The following SLC44A1 variants were observed in gnomAD, a reference collection of about 807,000 sequenced individuals.
SLC44A1 encodes solute carrier family 44 member 1.
In SLC44A1, 26 loss-of-function variants were observed where a neutral mutation model predicts 79.3. The ratio of observed to expected loss-of-function variants is 0.33; its 90% CI spans 0.24 to 0.46. The LOEUF is 0.46. Ranked by LOEUF, SLC44A1 falls within the 20% of genes least tolerant of loss-of-function variation. The probability of loss-of-function intolerance (pLI) is 1.00; values close to 1 mark genes in which losing one functional copy is unlikely to be tolerated. For synonymous variants in SLC44A1, 263 were observed against 286.2 expected (o/e 0.92, Z 0.82); for missense variants, 688 against 798.1 (o/e 0.86, Z 1.66).
chr9:105,388,328 A>G (rs1828682477), intron 15 of SLC44A1, among the ~76,000 whole-genome samples: 1 of 152,186 alleles, frequency 6.6e-6, no homozygotes, highest in South Asian at 2.1e-4. Context: ...TTGGGGATTG[A>G]TAGAATTTAG....
rs118086541 is a variant in SLC44A1 at position 105,379,282 on chromosome 9, A to C, written c.1633-3841A>C. Among the ~76,000 whole-genome samples the C allele has an allele frequency of 1.7e-3, 264 of 152,330 alleles. 1 individual carries two copies. The highest frequency in any genetic ancestry group is 3.4e-3 in the Middle Eastern group (1 of 294). On this transcript the variant is annotated intron_variant, in intron 13 of 15. Coordinates refer to ENST00000374720, the MANE Select transcript of SLC44A1 (RefSeq NM_080546.5). ...AGAGCAAGACTCTCAAAAAGAAAAA[A>C]AGTAAAATGACAAGAGTATGGAAAT...
Position 105,389,766 on chromosome 9 carries a change from C to T in SLC44A1, c.*710C>T. On this transcript the variant is annotated 3_prime_UTR_variant, in exon 16 of 16. Coordinates refer to ENST00000374720, the MANE Select transcript of SLC44A1 (RefSeq NM_080546.5). ...AAAAGGGTAGATAATCTTTCGTATG[C>T]AAACTTTTCCCTTATATTTTGTCTT... 1 of 1,305,240 alleles carries T rather than the reference C, an allele frequency of 7.7e-7. No individual in the cohort carries two copies. The highest frequency in any genetic ancestry group is 9.8e-7 in the Non-Finnish European group (1 of 1,021,562). 80.9% of individuals were successfully genotyped at this position (1,305,240 alleles called of 1,614,324 possible). A position where few individuals can be genotyped will look rare whatever the true frequency, so the allele number is the denominator to read the frequency against.
At chr9:105,307,801 T>C (rs1261996625) in intron 2 of SLC44A1, among the ~76,000 whole-genome samples, 1 of 152,194 alleles carries the variant, frequency 6.6e-6, no homozygotes, top group Non-Finnish European at 1.5e-5. Flanking sequence ...TATGCAAATA[T>C]GTATGCAGAG....
chr9:105,428,245 T>A (rs575532291), intron 15 of SLC44A1, among the ~76,000 whole-genome samples: 2 of 152,106 alleles, frequency 1.3e-5, no homozygotes, highest in African/African-American at 4.8e-5. Flanking sequence ...TTTTAAAAAA[T>A]TATTTTCTTT....
intron 5 of SLC44A1, among the ~76,000 whole-genome samples, chr9:105,352,027 A>G (rs1380711685): frequency 6.6e-6 from 1 of 152,146 alleles, no homozygotes; most frequent in Non-Finnish European, 1.5e-5. Context: ...TTGGGAGACC[A>G]AAGTGGGAGG....
intron 4 of SLC44A1, among the ~76,000 whole-genome samples, chr9:105,346,249 T>A (rs1276971734): frequency 6.6e-6 from 1 of 152,160 alleles, no homozygotes; most frequent in Non-Finnish European, 1.5e-5. Context: ...TACTGGCCTG[T>A]GTCCTAGAAT....
intron 3 of SLC44A1, among the ~76,000 whole-genome samples, chr9:105,317,594 G>A (rs894306405): frequency 6.6e-6 from 1 of 152,040 alleles, no homozygotes; most frequent in Non-Finnish European, 1.5e-5. Context: ...TAGTGAAGAT[G>A]GAATTCTGAT....
Position 105,389,098 on chromosome 9 carries a change from A to G in SLC44A1, c.*42A>G, listed in dbSNP as rs549171079. The G allele has an allele frequency of 3.8e-5, 61 of 1,611,008 alleles. No individual in the cohort carries two copies. The Admixed American group carries it at 9.2e-4, about 24-fold the overall frequency. On this transcript the variant is annotated 3_prime_UTR_variant, in exon 16 of 16. Transcript: ENST00000374720. Reference sequence around the variant, plus strand: ...TGGAAACCCATTGACATTCCAAAACAATATATACACATAACTATGTATTTG... The same window carrying G: ...TGGAAACCCATTGACATTCCAAAACGATATATACACATAACTATGTATTTG...
intron 1 of SLC44A1, among the ~76,000 whole-genome samples, chr9:105,274,049 C>CA (rs1046463575): frequency 6.6e-6 from 1 of 152,004 alleles, no homozygotes; most frequent in African/African-American, 2.4e-5. Context: ...GTAATACTGA[C>CA]ACTGATGTTA....
chr9:105,401,434 T>G (rs900734117), downstream of SLC44A1, among the ~76,000 whole-genome samples: 17 of 152,112 alleles, frequency 1.1e-4, no homozygotes, highest in Non-Finnish European at 2.4e-4. Flanking sequence ...ATACCTAAAA[T>G]GAATAAGGAA....
Position 105,374,746 on chromosome 9 carries a change from G to C in SLC44A1, c.1632+11G>C. 6.3e-7 allele frequency: 1 copy of C among 1,595,358 alleles called. No homozygotes were observed. Among genetic ancestry groups the C allele is most frequent in the Non-Finnish European group, 8.6e-7 (1 of 1,169,228 alleles). On this transcript the variant is annotated intron_variant, in intron 13 of 15. Coordinates refer to ENST00000374720, the MANE Select transcript of SLC44A1 (RefSeq NM_080546.5). ...TTATTCCTTGGCAAGGTAAAACCAA[G>C]TATTTTTTCTGCAACATACAGTAAA...
chr9:105,394,918 C>T lies in SLC44A1; in HGVS notation c.*5862C>T. On this transcript the variant is annotated 3_prime_UTR_variant, in exon 16 of 16. Coordinates refer to ENST00000374720, the MANE Select transcript of SLC44A1 (RefSeq NM_080546.5). ...CTCCACCCCCAGTCCCTTACCTACT[C>T]TATCTTCTTTAGGGAAGCATGTGGA... 1 of 985,468 alleles carries T rather than the reference C, an allele frequency of 1.0e-6. No individual in the cohort carries two copies. Among genetic ancestry groups the T allele is most frequent in the African/African-American group, 1.7e-5 (1 of 57,364 alleles). The allele number at this position is 985,468 out of a possible 1,614,324, so 61.0% of individuals were successfully genotyped here.
Position 105,396,058 on chromosome 9 carries a change from C to G in SLC44A1, c.*7002C>G, listed in dbSNP as rs1169776088. 10 of 985,210 alleles carry G rather than the reference C, an allele frequency of 1.0e-5. No individual in the cohort carries two copies. In the Admixed American group the frequency reaches 6.2e-4, roughly 61 times the overall value. 61.0% of individuals were successfully genotyped at this position (985,210 alleles called of 1,614,324 possible). A position where few individuals can be genotyped will look rare whatever the true frequency, so the allele number is the denominator to read the frequency against. On this transcript the variant is annotated 3_prime_UTR_variant, in exon 16 of 16. Transcript: ENST00000374720. The stretch of plus-strand genomic sequence containing the variant: ...GTGCTCAGAACTTGGTTTTTGGCCC[C>G]TATTGTTTTTGCCTATTTTGATTTT...
chr9:105,247,147 T>C, intron 1 of SLC44A1, among the ~76,000 whole-genome samples: 1 of 152,068 alleles, frequency 6.6e-6, no homozygotes, highest in Non-Finnish European at 1.5e-5. Flanking sequence ...TTGTGAAATG[T>C]TACTAATCGG....
intron 1 of SLC44A1, among the ~76,000 whole-genome samples, chr9:105,245,106 G>A (rs1829400298): frequency 6.6e-6 from 1 of 152,182 alleles, no homozygotes; most frequent in Middle Eastern, 3.4e-3. Context: ...CCGACTCAAA[G>A]GCGCCTCTGC....
intron 15 of SLC44A1, among the ~76,000 whole-genome samples, chr9:105,407,725 C>G (rs566901740): frequency 6.6e-6 from 1 of 151,676 alleles, no homozygotes; most frequent in East Asian, 1.9e-4. Context: ...CAAAAATTAG[C>G]TGGGCGTGAT....
In SLC44A1 at chr9:105,395,187, C is replaced by G; in HGVS notation, c.*6131C>G. The G allele has an allele frequency of 1.0e-6, 1 of 985,212 alleles. No individual in the cohort carries two copies. Among genetic ancestry groups the G allele is most frequent in the Non-Finnish European group, 1.2e-6 (1 of 829,736 alleles). The allele number at this position is 985,212 out of a possible 1,614,324, so 61.0% of individuals were successfully genotyped here. The stretch of plus-strand genomic sequence containing the variant: ...AAAGTCAGCCCCCTACCCCACCCCA[C>G]ACTCCTAGAAAAGTTTGGGGGTTTT... On this transcript the variant is annotated 3_prime_UTR_variant, in exon 16 of 16. Coordinates refer to ENST00000374720, the MANE Select transcript of SLC44A1 (RefSeq NM_080546.5).
intron 1 of SLC44A1, among the ~76,000 whole-genome samples, chr9:105,267,272 C>T (rs1033148593): frequency 6.6e-6 from 1 of 152,138 alleles, no homozygotes; most frequent in African/African-American, 2.4e-5. Context: ...TCATATTAAA[C>T]TTATTCTCTC....
intron 15 of SLC44A1, among the ~76,000 whole-genome samples, chr9:105,435,197 T>C (rs574818993): frequency 3.2e-4 from 49 of 151,504 alleles, no homozygotes; most frequent in Admixed American, 1.1e-3. Flanking sequence ...GAATATAATA[T>C]AGTCTCCTGG....
Sources: gnomAD v4.1 joint callset for allele counts (sites outside exome capture counted in the v4.1 genomes callset) on GRCh38, gnomAD v4.1.1 for gene constraint, MANE v1.5 for transcripts, NCBI Gene and HGNC (gene_info 2026-07-23, HGNC 2026-07-21) for gene names.